Variants in CACNA1D observed in about 807,000 individuals in gnomAD.
The protein encoded by CACNA1D is calcium voltage-gated channel subunit alpha1 D, also known as voltage-dependent L-type calcium channel subunit alpha-1D.
A neutral mutation model predicts 257.1 loss-of-function variants in CACNA1D; 55 were observed. The ratio of observed to expected loss-of-function variants is 0.21; its 90% CI spans 0.17 to 0.27. The LOEUF (loss-of-function observed/expected upper bound fraction) is 0.27, where lower values mean the gene tolerates loss of function less well. Among genes scored for constraint, CACNA1D ranks in the 10% least tolerant of loss-of-function variants. CACNA1D has a pLI of 1.00. For synonymous variants in CACNA1D, 980 were observed against 1,014.9 expected, an observed-to-expected ratio of 0.97 and a Z score of 0.65; for missense variants, 1,876 against 2,784.0, an observed-to-expected ratio of 0.67 and a Z score of 7.34.
At chr3:53,749,661 T>C (rs2095207577) in intron 27 of CACNA1D, among the ~76,000 whole-genome samples, 192 bp downstream of exon 27, 1 of 152,174 alleles carries the variant, frequency 6.6e-6, no homozygotes, top group Non-Finnish European at 1.5e-5. Flanking sequence ...CCGATACATA[T>C]GAGACTTTGT....
In CACNA1D at chr3:53,811,090, A is replaced by T; in HGVS notation, c.6193-23A>T. ...CAAAGCCTTATAACACCCCCATGCC[A>T]TCCATCCCTCTTTTCTGTACAGGTC... On this transcript the variant is annotated intron_variant, in intron 47 of 47. Transcript: ENST00000350061. The surrounding 1 kb of genome is among the most constrained non-coding windows in gnomAD (Gnocchi z 4.2). 1 of 1,606,302 alleles carries T rather than the reference A, an allele frequency of 6.2e-7. No individual in the cohort carries two copies. Among genetic ancestry groups the T allele is most frequent in the Non-Finnish European group, 8.5e-7 (1 of 1,173,120 alleles).
chr3:53,772,787 C>T (rs559514154), intron 32 of CACNA1D, 46 bp from the exon 33 acceptor site: 31 of 1,511,776 alleles, frequency 2.1e-5, no homozygotes, highest in Middle Eastern at 1.7e-4. Flanking sequence ...CGGGCCGTCA[C>T]GGGGACAGCC....
intron 12 of CACNA1D, among the ~76,000 whole-genome samples, chr3:53,722,807 C>G (rs1203518633): frequency 6.6e-6 from 1 of 152,178 alleles, no homozygotes; most frequent in African/African-American, 2.4e-5. Flanking sequence ...TATAGTACTT[C>G]TGGCAAATGG....
intron 2 of CACNA1D, among the ~76,000 whole-genome samples, chr3:53,500,281 A>AG (rs1445013463): frequency 2.0e-5 from 3 of 150,256 alleles, no homozygotes; most frequent in African/African-American, 7.3e-5. Context: ...AAAAAAAAAA[A>AG]ATTAGCCGGC....
chr3:53,707,975 G>A (rs2094709043), intron 9 of CACNA1D, among the ~76,000 whole-genome samples: 1 of 152,210 alleles, frequency 6.6e-6, no homozygotes, highest in Admixed American at 6.5e-5. Context: ...TGACCACAAG[G>A]GCAGCCTCTC....
At chr3:53,805,419 A>AG (rs1256228889) in intron 45 of CACNA1D, among the ~76,000 whole-genome samples, 1 of 152,198 alleles carries the variant, frequency 6.6e-6, no homozygotes, top group East Asian at 1.9e-4. Flanking sequence ...ACATCTGGTA[A>AG]GGGGTGTTTT....
chr3:53,748,966 A>G (rs2095199011), intron 26 of CACNA1D: 3 of 491,302 alleles, frequency 6.1e-6, no homozygotes, highest in African/African-American at 1.9e-5. Context: ...AGTGTCTTAC[A>G]CGTGATATTC....
intron 8 of CACNA1D, among the ~76,000 whole-genome samples, chr3:53,682,365 TAAAAAAAAA>T (rs3082718): frequency 0.26 from 12,105 of 47,416 alleles, 1,082 homozygotes; most frequent in South Asian, 0.48. Flanking sequence ...TTGTCTCTGG[TAAAAAAAAA>T]AAAAAAAAAA....
chr3:53,737,776 TCA>T (rs2095073224), intron 20 of CACNA1D, among the ~76,000 whole-genome samples: 1 of 152,210 alleles, frequency 6.6e-6, no homozygotes, highest in Non-Finnish European at 1.5e-5. Flanking sequence ...TGAACTGAGA[TCA>T]TGCCATTGCA....
At chr3:53,507,243 C>T (rs543795806) in intron 3 of CACNA1D, among the ~76,000 whole-genome samples, 2 of 152,114 alleles carry the variant, frequency 1.3e-5, no homozygotes, top group South Asian at 4.2e-4. Context: ...TTTGTTAAGC[C>T]TTACGTCATT....
At chr3:53,688,084 T>G (rs1194077769) in intron 8 of CACNA1D, among the ~76,000 whole-genome samples, 2 of 152,238 alleles carry the variant, frequency 1.3e-5, no homozygotes, top group Non-Finnish European at 2.9e-5. Context: ...TTCTAGTATT[T>G]GCCCAAGAGA....
chr3:53,690,120 G>A (rs1203690326), intron 8 of CACNA1D, among the ~76,000 whole-genome samples: 1 of 152,320 alleles, frequency 6.6e-6, no homozygotes, highest in South Asian at 2.1e-4. Context: ...CAGCTAGTAA[G>A]TAGTTAAACT....
intron 14 of CACNA1D, among the ~76,000 whole-genome samples, chr3:53,724,633 G>T (rs550696987): frequency 2.0e-5 from 3 of 152,178 alleles, no homozygotes; most frequent in Admixed American, 6.5e-5. Flanking sequence ...CTGACTCTAC[G>T]CTGAGGTGCT....
At chr3:53,718,880 T>G (rs986840634) in intron 10 of CACNA1D, 1 of 753,842 alleles carries the variant, frequency 1.3e-6, no homozygotes, top group African/African-American at 1.7e-5. Flanking sequence ...ACCTCAGGCC[T>G]GGCGGTTGGA....
At chr3:53,645,602 C>G (rs865808493) in intron 3 of CACNA1D, among the ~76,000 whole-genome samples, 1 of 152,138 alleles carries the variant, frequency 6.6e-6, no homozygotes, top group Non-Finnish European at 1.5e-5. Context: ...TTCTTGGCAC[C>G]TCTGTCAAAG....
rs78859995 is a variant in CACNA1D at position 53,741,666 on chromosome 3, G to A, written c.2811+1327G>A. 5.0e-3 allele frequency among the ~76,000 whole-genome samples: 764 copies of A among 152,250 alleles called. 9 individuals are homozygous for A. The highest frequency in any genetic ancestry group is 0.018 in the African/African-American group (737 of 41,534). On this transcript the variant is annotated intron_variant, in intron 21 of 47. Coordinates refer to ENST00000350061, the MANE Select transcript of CACNA1D (RefSeq NM_001128840.3). ...TCTTGTTGATGAGGCCTCTGTGGGA[G>A]GGCCTGTGGATGCAGAATGCACAGT... is the stretch of plus-strand genomic sequence containing the variant.
At chr3:53,747,226 G>A in intron 25 of CACNA1D, 76 bp from the exon 26 acceptor site, 3 of 1,276,658 alleles carry the variant, frequency 2.3e-6, no homozygotes, top group Non-Finnish European at 3.4e-6. Context: ...TTGGATTGGG[G>A]CAGTGTGTCC....
intron 3 of CACNA1D, among the ~76,000 whole-genome samples, chr3:53,514,063 G>C (rs901901532): frequency 1.3e-5 from 2 of 152,108 alleles, no homozygotes; most frequent in Non-Finnish European, 2.9e-5. Context: ...ATGCATGACT[G>C]TAATCTCCTC....
At chr3:53,690,061 TGAG>T (rs1265532184) in intron 8 of CACNA1D, among the ~76,000 whole-genome samples, 2 of 152,214 alleles carry the variant, frequency 1.3e-5, no homozygotes, top group Non-Finnish European at 2.9e-5. Flanking sequence ...AGTTTACAGA[TGAG>T]GAAATCAAGA....
Sources: allele counts gnomAD v4.1 joint callset (sites outside exome capture counted in the v4.1 genomes callset), GRCh38; gene constraint gnomAD v4.1.1; non-coding constraint Gnocchi (gnomAD v3.1); transcripts MANE v1.5; gene names NCBI Gene and HGNC (gene_info 2026-07-23, HGNC 2026-07-21).